PTGER3: variants seen among roughly 807,000 people sequenced by gnomAD.
The protein encoded by PTGER3 is prostaglandin E receptor 3.
PTGER3 carries 22 observed loss-of-function variants against 34.7 expected under a neutral mutation model. The observed-to-expected ratio is 0.63, with a 90% CI of 0.45 to 0.91. The LOEUF (loss-of-function observed/expected upper bound fraction) is 0.91, where lower values mean the gene tolerates loss of function less well. Ranked by LOEUF, PTGER3 falls within the 40% of genes least tolerant of loss-of-function variation. The pLI is 0.00. For synonymous variants in PTGER3, 241 were observed against 230.1 expected (o/e 1.05, Z -0.43); for missense variants, 468 against 519.4 (o/e 0.90, Z 0.96).
In PTGER3 at chr1:70,931,402, C is replaced by T. The variant is rs112832304; in HGVS notation, c.*23+22361G>A. Among the ~76,000 whole-genome samples the T allele has an allele frequency of 4.4e-3, 669 of 152,318 alleles. 7 individuals carry two copies. The highest frequency in any genetic ancestry group is 0.015 in the African/African-American group (628 of 41,574). On this transcript the variant is annotated intron_variant, in intron 4 of 4. Transcript: ENST00000370931. ...TCTGCCCTCTTCTCACAACTCCACT[C>T]GGCAGTGCCCCAGTAGGGACTCTGT...
At chr1:71,025,293 G>A (rs79549052) in intron 1 of PTGER3, among the ~76,000 whole-genome samples, 13,915 of 151,658 alleles carry the variant, frequency 0.092, 797 homozygotes, top group African/African-American at 0.15. Context: ...GAACGTTCTG[G>A]TGTTCAGATG....
At chr1:70,956,439 A>G (rs1031282350) in intron 2 of PTGER3, among the ~76,000 whole-genome samples, 19 of 152,158 alleles carry the variant, frequency 1.2e-4, no homozygotes, top group Admixed American at 9.2e-4. Flanking sequence ...TGTCTTTCAA[A>G]CATGACTTTT....
At chr1:70,879,514 C>A (rs958134249) in intron 4 of PTGER3, among the ~76,000 whole-genome samples, 1 of 152,178 alleles carries the variant, frequency 6.6e-6, no homozygotes, top group African/African-American at 2.4e-5. Context: ...TCCTAAAGTG[C>A]TGGGATTATA....
intron 4 of PTGER3, among the ~76,000 whole-genome samples, chr1:70,917,441 G>GTGTGTA (rs376536515): frequency 0.015 from 1,999 of 137,404 alleles, 50 homozygotes; most frequent in African/African-American, 0.044. Flanking sequence ...GTGTGTGTGT[G>GTGTGTA]TATACAATCA....
downstream of PTGER3, among the ~76,000 whole-genome samples, chr1:70,968,946 C>G (rs1296237305): frequency 6.6e-6 from 1 of 152,072 alleles, no homozygotes; most frequent in Non-Finnish European, 1.5e-5. Context: ...GTGGCTCACA[C>G]CTGTAATCCC....
Position 70,971,301 on chromosome 1 carries a change from T to A in PTGER3, c.*429A>T, listed in dbSNP as rs1653054257. 2.0e-6 allele frequency: 2 copies of A among 987,672 alleles called. No individual in the cohort carries two copies. The highest frequency in any genetic ancestry group is 2.4e-6 in the Non-Finnish European group (2 of 831,544). The allele number at this position is 987,672 out of a possible 1,614,324, so 61.2% of individuals were successfully genotyped here. On this transcript the variant is annotated 3_prime_UTR_variant, in exon 4 of 4. Transcript: ENST00000306666. The stretch of plus-strand genomic sequence containing the variant: ...AATTGAATTATCACTCTCAATATGT[T>A]GACTTTTCACCATCATAAGCTTATA...
intron 2 of PTGER3, among the ~76,000 whole-genome samples, chr1:70,994,393 T>C (rs769088237): frequency 6.6e-6 from 1 of 152,168 alleles, no homozygotes; most frequent in Non-Finnish European, 1.5e-5. Flanking sequence ...TCCCTAATTA[T>C]AGTTAACTAT....
chr1:70,880,028 G>T (rs1174279765), intron 4 of PTGER3, among the ~76,000 whole-genome samples: 1 of 152,004 alleles, frequency 6.6e-6, no homozygotes, highest in Non-Finnish European at 1.5e-5. Flanking sequence ...GGAGGCAGAA[G>T]TTGAAGTGAG....
chr1:70,939,507 G>T (rs1015064485), intron 4 of PTGER3, among the ~76,000 whole-genome samples: 1 of 152,228 alleles, frequency 6.6e-6, no homozygotes, highest in Non-Finnish European at 1.5e-5. Context: ...CCTAGTAGAG[G>T]TTCTCCATCA....
intron 4 of PTGER3, among the ~76,000 whole-genome samples, chr1:70,942,152 C>T (rs891453843): frequency 1.3e-5 from 2 of 152,082 alleles, no homozygotes; most frequent in Non-Finnish European, 1.5e-5. Flanking sequence ...TGAAGTGTGC[C>T]ACTTACTGGT....
chr1:70,932,900 C>A (rs550801422), intron 4 of PTGER3, among the ~76,000 whole-genome samples: 1 of 152,244 alleles, frequency 6.6e-6, no homozygotes, highest in African/African-American at 2.4e-5. Context: ...TACACATATA[C>A]ACATAGAGAT....
intron 2 of PTGER3, chr1:71,009,823 A>G: frequency 2.0e-6 from 2 of 985,226 alleles, no homozygotes; most frequent in Non-Finnish European, 2.4e-6. Flanking sequence ...AATTAAACTT[A>G]GACACGTCTT....
chr1:70,949,072 G>C (rs192824862), downstream of PTGER3, among the ~76,000 whole-genome samples: 25 of 152,228 alleles, frequency 1.6e-4, no homozygotes, highest in Admixed American at 2.6e-4. Flanking sequence ...CTTCAGGCGT[G>C]GGGTAAAGGA....
chr1:70,969,216 C>A (rs1347064484), downstream of PTGER3, among the ~76,000 whole-genome samples: 2 of 151,972 alleles, frequency 1.3e-5, no homozygotes, highest in African/African-American at 4.8e-5. Context: ...TAAAAACAAA[C>A]AAATAAACAA....
intron 4 of PTGER3, chr1:70,869,378 A>T: frequency 1.6e-5 from 7 of 438,492 alleles, no homozygotes; most frequent in South Asian, 1.2e-4. Context: ...TCCAAACTAT[A>T]TCATTCCACC....
At chr1:70,918,450 A>G (rs1647255899) in intron 4 of PTGER3, among the ~76,000 whole-genome samples, 2 of 152,050 alleles carry the variant, frequency 1.3e-5, no homozygotes, top group Admixed American at 6.6e-5. Context: ...GGAAACAATC[A>G]ATAAAGTGGA....
chr1:71,011,689 T>G (rs1348244420), intron 2 of PTGER3: 1 of 975,100 alleles, frequency 1.0e-6, no homozygotes, highest in South Asian at 4.7e-5. Flanking sequence ...TTGAGCAATA[T>G]TTGAATAATG....
intron 4 of PTGER3, among the ~76,000 whole-genome samples, chr1:70,914,004 G>A (rs928147093): frequency 6.6e-6 from 1 of 151,800 alleles, no homozygotes; most frequent in African/African-American, 2.4e-5. Flanking sequence ...TTTATAGAAT[G>A]AGTTGGAAAG....
chr1:70,920,691 T>C (rs1315918693), intron 4 of PTGER3, among the ~76,000 whole-genome samples: 1 of 152,202 alleles, frequency 6.6e-6, no homozygotes, highest in Non-Finnish European at 1.5e-5. Flanking sequence ...CTAGTCAAGA[T>C]GGGCAGACAC....
Sources: gnomAD v4.1 joint callset for allele counts (sites outside exome capture counted in the v4.1 genomes callset) on GRCh38, gnomAD v4.1.1 for gene constraint, MANE v1.5 for transcripts, NCBI Gene and HGNC (gene_info 2026-07-23, HGNC 2026-07-21) for gene names.